CUL9: variants seen among roughly 807,000 people sequenced by gnomAD.
The protein encoded by CUL9 is cullin 9, also known as cullin-9.
A neutral mutation model predicts 272.6 loss-of-function variants in CUL9; 79 were observed. The observed-to-expected ratio is 0.29, with a 90% CI of 0.24 to 0.35. The LOEUF is 0.35. Ranked by LOEUF, CUL9 falls within the 10% of genes least tolerant of loss-of-function variation. The pLI, the probability that CUL9 is intolerant of heterozygous loss-of-function variation, is 1.00. For synonymous variants in CUL9, 1,186 were observed against 1,286.5 expected, an observed-to-expected ratio of 0.92 and a Z score of 1.67; for missense variants, 2,532 against 3,255.6, an observed-to-expected ratio of 0.78 and a Z score of 5.41.
rs774359570 is a variant in CUL9, at chr6:43,196,112, C to T, written c.2432C>T (p.Thr811Ile). The change falls in exon 10 of 41, where the codon ACT becomes ATT. Residue 811 changes from threonine (T) to isoleucine (I), a missense_variant. Around this residue, in one of 3 missense-constraint regions of CUL9, gnomAD observed 2,218 missense variants for 2,788.6 expected, o/e 0.80. Coordinates refer to ENST00000252050, the MANE Select transcript of CUL9 (RefSeq NM_015089.4). ...GTCGCCAGCTCCTCGGAGATCCCCA[C>T]TTTTGTTACTGGCCGAGATTCTATC... ...LAVASSSEIP[T>I]FVTGRDSIHS... is the part of the protein sequence containing the mutation. The T allele has an allele frequency of 5.0e-6, 8 of 1,614,116 alleles. No individual in the cohort carries two copies. The highest frequency in any genetic ancestry group is 3.3e-5 in the Admixed American group (2 of 60,016).
In CUL9 at chr6:43,201,481, AT is replaced by A. The variant is rs556060468; in HGVS notation, c.3647+654del. Among the ~76,000 whole-genome samples, 454 of 152,154 alleles carry A rather than the reference AT, an allele frequency of 3.0e-3. 2 individuals carry two copies. The highest frequency in any genetic ancestry group is 0.01 in the African/African-American group (421 of 41,504). On this transcript the variant is annotated intron_variant, in intron 16 of 40. Transcript: ENST00000252050. Reference sequence around the variant, plus strand: ...GAAAGCTGTGTATATCTTTATTTTTATTTTTTTATATTTTTTGAGATGGAGT... The same window carrying A: ...GAAAGCTGTGTATATCTTTATTTTTATTTTTTATATTTTTTGAGATGGAGT...
In CUL9 at chr6:43,204,448, G is replaced by T. The variant is rs143759620; in HGVS notation, c.4248G>T (p.Ala1416=). ...CTCGGAACCCCTTGAGTCGAGCAGCGTCCTTTGCTTCTCGAGTTCGTCGCC... is the reference window on the plus strand; with the variant it reads ...CTCGGAACCCCTTGAGTCGAGCAGCTTCCTTTGCTTCTCGAGTTCGTCGCC... The part of the protein sequence containing the change: ...ETSRNPLSRA[A]SFASRVRRLC... Residue 1416 remains alanine (A), a synonymous_variant, in exon 21 of 41, where the codon GCG becomes GCT. Transcript: ENST00000252050. 1 of 1,614,014 alleles carries T rather than the reference G, an allele frequency of 6.2e-7. No homozygotes were observed. The highest frequency in any genetic ancestry group is 1.7e-5 in the Admixed American group (1 of 59,992).
chr6:43,183,705 T>TATTC lies in CUL9; in HGVS notation c.-9-597_-9-596insATTC, dbSNP rs1158447701. Among the ~76,000 whole-genome samples, 22 of 147,254 alleles carry TATTC rather than the reference T, an allele frequency of 1.5e-4. No individual in the cohort carries two copies. In the East Asian group the frequency reaches 4.0e-3, roughly 27 times the overall value. ...TTTTGTAAACTCCCCTTCCTTCCTT[T>TATTC]CTTCCTTCCTTCCTTCCTTCCTTCC... On this transcript the variant is annotated intron_variant, in intron 1 of 40. Coordinates refer to ENST00000252050, the MANE Select transcript of CUL9 (RefSeq NM_015089.4).
In CUL9 at chr6:43,200,648, C is replaced by T. The variant is rs1186014655; in HGVS notation, c.3476-15C>T. On this transcript the variant is annotated splice_polypyrimidine_tract_variant and intron_variant, in intron 15 of 40. Transcript: ENST00000252050. The surrounding 1 kb of genome is among the most constrained non-coding windows in gnomAD (Gnocchi z 4.0). ...AACCTAGCTGTGACTGCCACCCCTT[C>T]CCACTTGCCCCCAGGCTCCAGTGTG... 6.2e-7 allele frequency: 1 copy of T among 1,614,038 alleles called. No homozygotes were observed. Among genetic ancestry groups the T allele is most frequent in the Non-Finnish European group, 8.5e-7 (1 of 1,180,004 alleles).
At chr6:43,202,017 C>T (rs1391045109) in intron 16 of CUL9, among the ~76,000 whole-genome samples, 3 of 152,112 alleles carry the variant, frequency 2.0e-5, no homozygotes, top group Non-Finnish European at 2.9e-5. Context: ...ATGCAGTGCT[C>T]TAGTAGAGAA....
intron 26 of CUL9, among the ~76,000 whole-genome samples, chr6:43,211,810 A>G (rs573996566): frequency 4.6e-5 from 7 of 152,206 alleles, no homozygotes; most frequent in African/African-American, 1.7e-4. Flanking sequence ...GTTTAAAAAA[A>G]AAGGATACTA....
chr6:43,203,428 C>T lies in CUL9; in HGVS notation c.3861C>T (p.Asp1287=), dbSNP rs754055729. The T allele has an allele frequency of 5.6e-6, 9 of 1,613,916 alleles. No individual in the cohort carries two copies. Among genetic ancestry groups the T allele is most frequent in the Non-Finnish European group, 6.8e-6 (8 of 1,179,982 alleles). The change falls in exon 19 of 41, where the codon GAC becomes GAT. Residue 1287 remains aspartate (D), a synonymous_variant. Transcript: ENST00000252050. This position sits in a 1 kb window ranked among gnomAD's most constrained non-coding sequence, Gnocchi z 5.0. ...TGTGCATGTTCCAGGGCGGCATTGA[C>T]ACCCGGGTTCGGGGTGTGGAGGTCC... is the stretch of plus-strand genomic sequence containing the variant. ...RIKRCQQGGI[D]TRVRGVEVLG...
chr6:43,196,405 T>A, intron 10 of CUL9, 140 bp downstream of exon 10: 2 of 902,746 alleles, frequency 2.2e-6, no homozygotes, highest in Non-Finnish European at 3.3e-6. Flanking sequence ...CTGCCAACTG[T>A]TGTTGGAGGA....
At chr6:43,210,635 A>G (rs958505971) in intron 26 of CUL9, among the ~76,000 whole-genome samples, 7 of 152,196 alleles carry the variant, frequency 4.6e-5, no homozygotes, top group African/African-American at 1.4e-4. Flanking sequence ...TTTTAGGCAC[A>G]TGTCTTATAA....
Position 43,213,783 on chromosome 6 carries a change from A to C in CUL9, c.5559A>C (p.Ala1853=). 4 of 1,614,198 alleles carry C rather than the reference A, an allele frequency of 2.5e-6. No homozygotes were observed. The highest frequency in any genetic ancestry group is 3.4e-6 in the Non-Finnish European group (4 of 1,180,042). ...GEALWLIPPQ[A]YLNVEKDEGR... ...CCCTGTGGCTGATACCTCCCCAGGC[A>C]TACCTGAACGTAGAGAAGGATGAAG... Residue 1853 remains alanine (A), a synonymous_variant, in exon 29 of 41, where the codon GCA becomes GCC. Coordinates refer to ENST00000252050, the MANE Select transcript of CUL9 (RefSeq NM_015089.4). The surrounding 1 kb of genome is among the most constrained non-coding windows in gnomAD (Gnocchi z 5.7).
At chr6:43,193,902 G>A (rs577600183) in intron 9 of CUL9, among the ~76,000 whole-genome samples, 1 of 152,290 alleles carries the variant, frequency 6.6e-6, no homozygotes, top group East Asian at 1.9e-4. Context: ...TTTTCTAGAT[G>A]TGACCATTAA....
rs1776237301 is a variant in CUL9 at position 43,220,206 on chromosome 6, C to T, written c.6283-253C>T. On this transcript the variant is annotated intron_variant, in intron 31 of 40. Coordinates refer to ENST00000252050, the MANE Select transcript of CUL9 (RefSeq NM_015089.4). The surrounding 1 kb of genome is among the most constrained non-coding windows in gnomAD (Gnocchi z 4.9). ...TTATTTTTACCCATTCCCTCCTTGTCCATCCCAACAGTAATTATGATTAGG... is the reference window on the plus strand; with the variant it reads ...TTATTTTTACCCATTCCCTCCTTGTTCATCCCAACAGTAATTATGATTAGG... Among the ~76,000 whole-genome samples the T allele has an allele frequency of 6.6e-6, 1 of 152,162 alleles. No individual in the cohort carries two copies. The highest frequency in any genetic ancestry group is 2.4e-5 in the African/African-American group (1 of 41,428).
At position 43,200,724 on chromosome 6, in the gene CUL9, G is replaced by T. The variant is rs146344316; in HGVS notation, c.3537G>T (p.Pro1179=). 5.0e-6 allele frequency: 8 copies of T among 1,614,160 alleles called. No homozygotes were observed. In the South Asian group the frequency reaches 7.7e-5, roughly 16 times the overall value. The change falls in exon 16 of 41, where the codon CCG becomes CCT. Residue 1179 remains proline (P), a synonymous_variant. Coordinates refer to ENST00000252050, the MANE Select transcript of CUL9 (RefSeq NM_015089.4). The surrounding 1 kb of genome is among the most constrained non-coding windows in gnomAD (Gnocchi z 4.0). ...CWEKVEVSSN[P]HRASKLTDHN... is the part of the protein sequence containing the mutation. ...AGAAGGTGGAGGTGTCCTCCAACCC[G>T]CACCGAGCCAGCAAGCTGACGGACC...
intron 16 of CUL9, among the ~76,000 whole-genome samples, chr6:43,201,542 T>G (rs1263931948): frequency 6.6e-6 from 1 of 152,188 alleles, no homozygotes; most frequent in Non-Finnish European, 1.5e-5. Flanking sequence ...TACAGTGGTG[T>G]GATCTCAGCT....
Position 43,199,830 on chromosome 6 carries a change from A to G in CUL9, c.3157-99A>G, listed in dbSNP as rs1206410114. On this transcript the variant is annotated intron_variant, in intron 13 of 40. Transcript: ENST00000252050. The surrounding 1 kb of genome is among the most constrained non-coding windows in gnomAD (Gnocchi z 4.4). The stretch of plus-strand genomic sequence containing the variant: ...CCCTGGGCGTTGGCATGTCTCCACA[A>G]TCTCAGCCACGACACTTCCTTTACT... 20 of 993,856 alleles carry G rather than the reference A, an allele frequency of 2.0e-5. No individual in the cohort carries two copies. Among genetic ancestry groups the G allele is most frequent in the East Asian group, 1.4e-4 (6 of 41,518 alleles). 61.6% of individuals were successfully genotyped at this position (993,856 alleles called of 1,614,324 possible).
chr6:43,191,252 T>TTGTGTGTG (rs58122260), intron 8 of CUL9, among the ~76,000 whole-genome samples: 3,191 of 126,916 alleles, frequency 0.025, 102 homozygotes, highest in African/African-American at 0.064. Context: ...CTAAATTGCA[T>TTGTGTGTG]TGTGTGTGTG....
chr6:43,209,469 C>T (rs1775307048), intron 26 of CUL9, among the ~76,000 whole-genome samples: 1 of 151,296 alleles, frequency 6.6e-6, no homozygotes, highest in African/African-American at 2.4e-5. Context: ...TTTCAACTGA[C>T]CCATAATGTT....
intron 30 of CUL9, 97 bp downstream of exon 30, chr6:43,215,423 C>T: frequency 6.8e-7 from 1 of 1,468,274 alleles, no homozygotes; most frequent in Non-Finnish European, 9.0e-7. Context: ...CTTTCTTTGT[C>T]TGATCCCCTT....
chr6:43,197,576 C>T (rs369613164), intron 11 of CUL9, among the ~76,000 whole-genome samples: 3 of 150,690 alleles, frequency 2.0e-5, no homozygotes, highest in Admixed American at 6.6e-5. Context: ...CTCCGCCTCC[C>T]GGGTTCAAGG....
Sources: allele counts gnomAD v4.1 joint callset (sites outside exome capture counted in the v4.1 genomes callset), GRCh38; gene constraint gnomAD v4.1.1; regional missense constraint gnomAD v4.1.1; non-coding constraint Gnocchi (gnomAD v3.1); transcripts MANE v1.5; gene names NCBI Gene and HGNC (gene_info 2026-07-23, HGNC 2026-07-21).